NEK4: variants seen among roughly 807,000 people sequenced by gnomAD.
NEK4 encodes the protein NIMA related kinase 4.
In NEK4, 86 loss-of-function variants were observed where a neutral mutation model predicts 98.4. The ratio of observed to expected loss-of-function variants is 0.87; its 90% CI spans 0.73 to 1.05. NEK4 has a LOEUF of 1.05. NEK4 is among the 50% of genes least tolerant of loss of function. The pLI, the probability that NEK4 is intolerant of heterozygous loss-of-function variation, is 0.00. For missense variants in NEK4, 898 were observed against 950.3 expected (o/e 0.94, Z 0.72); for synonymous variants, 328 against 342.2 (o/e 0.96, Z 0.46).
chr3:52,725,195 A>C (rs1286917582), intron 15 of NEK4, among the ~76,000 whole-genome samples: 1 of 152,208 alleles, frequency 6.6e-6, no homozygotes, highest in Non-Finnish European at 1.5e-5. Context: ...TTAAAAACCA[A>C]TTTTTAGATC....
intron 12 of NEK4, among the ~76,000 whole-genome samples, chr3:52,742,700 G>A (rs1482746758): frequency 6.6e-6 from 1 of 152,202 alleles, no homozygotes; most frequent in Non-Finnish European, 1.5e-5. Flanking sequence ...CAAATCTGGC[G>A]ACACAGATGG....
In NEK4 at chr3:52,711,783, A is replaced by AT. The variant is rs1176924541; in HGVS notation, c.2519dup (p.Asn840LysfsTer18). Reference sequence around the variant, plus strand: ...AGCAGATTAGGACAAATGCTCAAAAATTCATGTTTTCTTCAAAAAATTTCA... The same window carrying AT: ...AGCAGATTAGGACAAATGCTCAAAAATTTCATGTTTTCTTCAAAAAATTTCA... On this transcript the variant is annotated frameshift_variant, in exon 16 of 16. Coordinates refer to ENST00000233027, the MANE Select transcript of NEK4 (RefSeq NM_003157.6). LOFTEE classifies it high-confidence loss of function. 1.2e-6 allele frequency: 2 copies of AT among 1,603,002 alleles called. No homozygotes were observed. Among genetic ancestry groups the AT allele is most frequent in the Non-Finnish European group, 1.7e-6 (2 of 1,170,764 alleles).
intron 9 of NEK4, among the ~76,000 whole-genome samples, chr3:52,746,414 G>T (rs1294859060): frequency 6.6e-6 from 1 of 152,180 alleles, no homozygotes. Context: ...CTAGAAATGA[G>T]ATGTCAACAT....
intron 15 of NEK4, among the ~76,000 whole-genome samples, chr3:52,735,291 G>A (rs1561297828): frequency 6.6e-6 from 1 of 152,286 alleles, no homozygotes; most frequent in Middle Eastern, 3.4e-3. Context: ...ATTTGTTAGA[G>A]CGAAATTTAT....
chr3:52,768,566 G>A lies in NEK4; in HGVS notation c.132C>T (p.Ser44=), dbSNP rs1698666474. Residue 44 remains serine, a synonymous_variant, in exon 2 of 16, where the codon AGC becomes AGT. Transcript: ENST00000233027. Reference sequence around the variant, plus strand: ...CCTGTTCAGCAGCTCGCCGCTCTCGGCTAGAGGCATTTCGGAGGTTCAGTT... The same window carrying A: ...CCTGTTCAGCAGCTCGCCGCTCTCGACTAGAGGCATTTCGGAGGTTCAGTT... ...IKKLNLRNAS[S]RERRAAEQEA... 6.2e-7 allele frequency: 1 copy of A among 1,614,052 alleles called. No homozygotes were observed.
At chr3:52,764,022 C>T (rs1338224582) in intron 4 of NEK4, among the ~76,000 whole-genome samples, 1 of 152,202 alleles carries the variant, frequency 6.6e-6, no homozygotes, top group Non-Finnish European at 1.5e-5. Flanking sequence ...CAGTGGCTTA[C>T]GCCTGTAATC....
At chr3:52,741,215 A>G (rs1364163452) in intron 13 of NEK4, among the ~76,000 whole-genome samples, 196 bp downstream of exon 13, 3 of 149,548 alleles carry the variant, frequency 2.0e-5, no homozygotes, top group Non-Finnish European at 1.5e-5. Context: ...CAGCCTGGGC[A>G]ACAAGAGCGA....
chr3:52,749,717 A>T lies in NEK4; in HGVS notation c.1481T>A (p.Ile494Asn), dbSNP rs983218302. ...SPASASRVAG[I>N]TGVCHHAQDQ... ...CTGGGCGTGGTGGCACACGCCTGTA[A>T]TCCCAGCTACTCGGGAGGCTGAGGC... The change falls in exon 8 of 16, where the codon ATT becomes AAT. Residue 494 changes from isoleucine (I) to asparagine (N), a missense_variant. Transcript: ENST00000233027. 2.1e-5 allele frequency: 5 copies of T among 239,964 alleles called. No individual in the cohort carries two copies. Among genetic ancestry groups the T allele is most frequent in the Admixed American group, 2.1e-4 (4 of 19,374 alleles). The allele number at this position is 239,964 out of a possible 1,614,324, so 14.9% of individuals were successfully genotyped here.
chr3:52,754,103 G>A (rs7619643), intron 6 of NEK4: 10,488 of 243,274 alleles, frequency 0.043, 547 homozygotes, highest in African/African-American at 0.15. Context: ...CAGAGGTTGC[G>A]GTGAGCCAAG....
chr3:52,764,874 TCTTC>T (rs1273884054), intron 4 of NEK4, among the ~76,000 whole-genome samples: 1 of 152,204 alleles, frequency 6.6e-6, no homozygotes, highest in African/African-American at 2.4e-5. Context: ...GCAATGGTCA[TCTTC>T]CAGGGAATGG....
chr3:52,743,250 C>A lies in NEK4; in HGVS notation c.2004+102G>T. ...AGAGTGAAAAGATATAACAAGCTGG[C>A]CCTGTCCCAAAAATAAATGGAGCTG... On this transcript the variant is annotated intron_variant, in intron 12 of 15. Transcript: ENST00000233027. 3 of 825,400 alleles carry A rather than the reference C, an allele frequency of 3.6e-6. No individual in the cohort carries two copies. In the South Asian group the frequency reaches 4.6e-5, roughly 13 times the overall value. 51.1% of individuals were successfully genotyped at this position (825,400 alleles called of 1,614,324 possible).
intron 6 of NEK4, among the ~76,000 whole-genome samples, chr3:52,755,927 C>T (rs72960274): frequency 0.095 from 14,459 of 151,928 alleles, 1,712 homozygotes; most frequent in African/African-American, 0.28. Context: ...ATTACAAGAA[C>T]AATTCAATTT....
At chr3:52,738,819 T>G (rs2097380827) in intron 14 of NEK4, among the ~76,000 whole-genome samples, 1 of 152,122 alleles carries the variant, frequency 6.6e-6, no homozygotes, top group African/African-American at 2.4e-5. Context: ...TGACTTAAAA[T>G]TTACATATGA....
At chr3:52,731,927 T>G (rs745796002) in intron 15 of NEK4, among the ~76,000 whole-genome samples, 5 of 152,156 alleles carry the variant, frequency 3.3e-5, no homozygotes, top group Non-Finnish European at 7.3e-5. Flanking sequence ...AGTGAGTAAG[T>G]CTCACGAGAT....
intron 14 of NEK4, among the ~76,000 whole-genome samples, chr3:52,738,504 G>A (rs945737117): frequency 4.0e-5 from 6 of 151,320 alleles, no homozygotes; most frequent in African/African-American, 1.5e-4. Flanking sequence ...AGGCTGGAGT[G>A]CAGTGGCATG....
At position 52,761,593 on chromosome 3, in the gene NEK4, T is replaced by C. The variant is rs143497495; in HGVS notation, c.822-657A>G. On this transcript the variant is annotated intron_variant, in intron 5 of 15. Coordinates refer to ENST00000233027, the MANE Select transcript of NEK4 (RefSeq NM_003157.6). ...GAGCCACCATGCATGGCCAAGTCAA[T>C]AGTAATATTTCGATGTTGGTTTCTT... 3.6e-3 allele frequency among the ~76,000 whole-genome samples: 545 copies of C among 152,214 alleles called. 1 individual carries two copies. Among genetic ancestry groups the C allele is most frequent in the Middle Eastern group, 0.02 (6 of 294 alleles).
chr3:52,764,247 A>G (rs1698465776), intron 4 of NEK4, among the ~76,000 whole-genome samples: 1 of 151,406 alleles, frequency 6.6e-6, no homozygotes, highest in East Asian at 1.9e-4. Context: ...AGATCACGCC[A>G]CAGCACTCCA....
chr3:52,760,710 T>C (rs1698322130), intron 6 of NEK4, 85 bp downstream of exon 6: 1 of 893,016 alleles, frequency 1.1e-6, no homozygotes, highest in African/African-American at 1.7e-5. Context: ...TAAAGCATAA[T>C]CATTTCACAC....
intron 14 of NEK4, among the ~76,000 whole-genome samples, chr3:52,738,562 T>C (rs1259408966): frequency 6.6e-6 from 1 of 151,928 alleles, no homozygotes; most frequent in Non-Finnish European, 1.5e-5. Flanking sequence ...GAAATCCTCT[T>C]ACCTCAGCCG....
Sources: gnomAD v4.1 joint callset for allele counts (sites outside exome capture counted in the v4.1 genomes callset) on GRCh38, gnomAD v4.1.1 for gene constraint, MANE v1.5 for transcripts, NCBI Gene and HGNC (gene_info 2026-07-23, HGNC 2026-07-21) for gene names.